ECSIT: variants seen among roughly 807,000 people sequenced by gnomAD.
The protein encoded by ECSIT is evolutionarily conserved signaling intermediate in Toll pathway, mitochondrial.
Under a neutral mutation model 36.8 loss-of-function variants are expected in ECSIT, and 29 were observed. The ratio of observed to expected loss-of-function variants is 0.79; its 90% CI spans 0.59 to 1.08. The LOEUF is 1.08. Among genes scored for constraint, ECSIT ranks in the 50% least tolerant of loss-of-function variants. ECSIT has a pLI of 0.00. For missense variants in ECSIT, 542 were observed against 581.0 expected (o/e 0.93, Z 0.69); for synonymous variants, 231 against 234.8 (o/e 0.98, Z 0.15).
At chr19:11,513,734 G>A in intron 3 of ECSIT, 70 bp downstream of exon 3, 2 of 1,567,468 alleles carry the variant, frequency 1.3e-6, no homozygotes, top group African/African-American at 1.3e-5. Flanking sequence ...GAGGGGCTGA[G>A]ACTCAGGAGA....
chr19:11,520,079 TAGA>T (rs1972071799), intron 1 of ECSIT: 1 of 152,068 alleles, frequency 6.6e-6, no homozygotes, highest in Non-Finnish European at 1.5e-5. Flanking sequence ...ACTGTCTCTA[TAGA>T]TCTCCCTATG....
chr19:11,509,110 G>A (rs113581950), intron 4 of ECSIT, among the ~76,000 whole-genome samples: 12,815 of 131,708 alleles, frequency 0.097, 998 homozygotes, highest in African/African-American at 0.22. Flanking sequence ...CGCTCTTGTT[G>A]CCTAGGCTGG....
At position 11,506,265 on chromosome 19, in the gene ECSIT, T is replaced by G; in HGVS notation, c.1215A>C (p.Ala405=). Residue 405 remains alanine (A), a synonymous_variant, in exon 8 of 8, where the codon GCA becomes GCC. Transcript: ENST00000270517. ...GSTRELQTSS[A]GLEEPPLPED... ...CGGGCAGGGGCGGCTCCTCCAGCCC[T>G]GCAGAGGATGTCTGGAGCTCCCGGG... The G allele has an allele frequency of 6.2e-7, 1 of 1,611,634 alleles. No homozygotes were observed.
chr19:11,519,248 G>T lies in ECSIT; in HGVS notation c.-23-55C>A. The T allele has an allele frequency of 8.0e-7, 1 of 1,243,008 alleles. No homozygotes were observed. The allele number at this position is 1,243,008 out of a possible 1,614,324, so 77.0% of individuals were successfully genotyped here. On this transcript the variant is annotated intron_variant, in intron 1 of 7. Coordinates refer to ENST00000270517, the MANE Select transcript of ECSIT (RefSeq NM_016581.5). This position sits in a 1 kb window ranked among gnomAD's most constrained non-coding sequence, Gnocchi z 4.4. The stretch of plus-strand genomic sequence containing the variant: ...TGGCACCTTACAGATGCTAACAGAC[G>T]CAAGGGCCCCGCAGGGTCGAGGGCA...
intron 2 of ECSIT, among the ~76,000 whole-genome samples, chr19:11,515,496 G>A (rs900244345): frequency 2.0e-5 from 3 of 150,782 alleles, no homozygotes; most frequent in Middle Eastern, 3.5e-3. Flanking sequence ...TTCACTCGTC[G>A]CCCAGGCTGG....
At chr19:11,520,442 G>A (rs988745788) in intron 1 of ECSIT, among the ~76,000 whole-genome samples, 2 of 152,136 alleles carry the variant, frequency 1.3e-5, no homozygotes, top group Non-Finnish European at 2.9e-5. Flanking sequence ...CAAGTGCTGG[G>A]ATTACAGGCG....
intron 1 of ECSIT, among the ~76,000 whole-genome samples, chr19:11,527,056 G>A (rs1056181249): frequency 2.0e-5 from 3 of 152,178 alleles, no homozygotes; most frequent in Non-Finnish European, 4.4e-5. Context: ...GCCAGGCGCT[G>A]TGGCTCACGC....
Position 11,513,852 on chromosome 19 carries a change from G to T in ECSIT, c.466C>A (p.Arg156=). ...IIQRIFVHYP[R]QQECGIAVLE... ...ACAGCAATCCCACACTCCTGCTGCC[G>T]AGGGTAGTGGACGAAGATGCGCTGG... is the stretch of plus-strand genomic sequence containing the variant. Residue 156 remains arginine (R), a synonymous_variant, in exon 3 of 8, where the codon CGG becomes AGG. Transcript: ENST00000270517. 1 of 1,614,122 alleles carries T rather than the reference G, an allele frequency of 6.2e-7. No homozygotes were observed. Among genetic ancestry groups the T allele is most frequent in the South Asian group, 1.1e-5 (1 of 91,078 alleles).
chr19:11,507,889 A>G (rs1412330906), intron 5 of ECSIT, 39 bp from the exon 6 acceptor site: 1 of 1,613,726 alleles, frequency 6.2e-7, no homozygotes, highest in East Asian at 2.2e-5. Flanking sequence ...CCTGCAAGGG[A>G]CTCGGCCCAG....
At chr19:11,507,897 C>G in intron 5 of ECSIT, 47 bp from the exon 6 acceptor site, 2 of 1,613,956 alleles carry the variant, frequency 1.2e-6, no homozygotes, top group Non-Finnish European at 1.7e-6. Context: ...GGACTCGGCC[C>G]AGAGGCCCAG....
Position 11,506,163 on chromosome 19 carries a change from G to A in ECSIT, c.*21C>T, listed in dbSNP as rs1489223134. 1.2e-6 allele frequency: 2 copies of A among 1,601,230 alleles called. No individual in the cohort carries two copies. The highest frequency in any genetic ancestry group is 1.7e-6 in the Non-Finnish European group (2 of 1,179,190). On this transcript the variant is annotated 3_prime_UTR_variant, in exon 8 of 8. Transcript: ENST00000270517. ...CCACCGCCTCCTCGGGCCACAGCCCGTGCCCTCGCGCCGGCTCAGACTAGC... is the reference window on the plus strand; with the variant it reads ...CCACCGCCTCCTCGGGCCACAGCCCATGCCCTCGCGCCGGCTCAGACTAGC...
intron 2 of ECSIT, among the ~76,000 whole-genome samples, chr19:11,514,848 T>TC: frequency 6.6e-6 from 1 of 151,584 alleles, no homozygotes; most frequent in African/African-American, 2.4e-5. Flanking sequence ...AATTTTTTTT[T>TC]TTTTTTTTTA....
intron 1 of ECSIT, chr19:11,523,844 T>G: frequency 1.8e-6 from 1 of 560,160 alleles, no homozygotes; most frequent in Non-Finnish European, 3.3e-6. Flanking sequence ...ACATAAATCT[T>G]TGGCTCACAT....
intron 1 of ECSIT, among the ~76,000 whole-genome samples, chr19:11,526,844 C>G (rs1021241672): frequency 2.0e-5 from 3 of 151,854 alleles, no homozygotes; most frequent in African/African-American, 7.3e-5. Flanking sequence ...CTCAGCCTCC[C>G]GAGTAGCTGG....
chr19:11,522,200 CGGCATCT>C, intron 1 of ECSIT: 1 of 525,400 alleles, frequency 1.9e-6, no homozygotes, highest in Admixed American at 3.0e-5. Context: ...TGAAGAACTT[CGGCATCT>C]GGCTGCGCTA....
intron 1 of ECSIT, chr19:11,525,582 T>C (rs1198675780): frequency 6.6e-6 from 1 of 151,794 alleles, no homozygotes. Context: ...ACTGGCAGTG[T>C]CAGCAACATT....
At chr19:11,513,538 GAGGA>G (rs34079154) in intron 3 of ECSIT, among the ~76,000 whole-genome samples, 1 of 140,924 alleles carries the variant, frequency 7.1e-6, no homozygotes, top group Admixed American at 7.2e-5. Flanking sequence ...GAGAGAAAGA[GAGGA>G]AGGAAGGGAG....
intron 1 of ECSIT, among the ~76,000 whole-genome samples, chr19:11,528,403 C>T (rs1200220761): frequency 6.6e-6 from 1 of 152,190 alleles, no homozygotes. Flanking sequence ...AGGCGTGCAC[C>T]ACTACGCCCA....
At chr19:11,524,625 C>T (rs1256788710) in intron 1 of ECSIT, among the ~76,000 whole-genome samples, 2 of 148,192 alleles carry the variant, frequency 1.3e-5, no homozygotes, top group South Asian at 2.1e-4. Context: ...CACTTGAGCC[C>T]GGGAGATCAA....
Sources: allele counts gnomAD v4.1 joint callset (sites outside exome capture counted in the v4.1 genomes callset), GRCh38; gene constraint gnomAD v4.1.1; non-coding constraint Gnocchi (gnomAD v3.1); transcripts MANE v1.5; gene names NCBI Gene and HGNC (gene_info 2026-07-23, HGNC 2026-07-21).